The following CCND3 variants were observed in gnomAD, a reference collection of about 807,000 sequenced individuals.
The protein encoded by CCND3 is cyclin D3.
In CCND3, 9 loss-of-function variants were observed where a neutral mutation model predicts 28.7. The ratio of observed to expected loss-of-function variants is 0.31; its 90% CI spans 0.19 to 0.55. The LOEUF is 0.55. Among genes scored for constraint, CCND3 ranks in the 20% least tolerant of loss-of-function variants. The pLI is 0.93. For synonymous variants in CCND3, 164 were observed against 163.9 expected (o/e 1.00, Z 0.00); for missense variants, 315 against 385.8 (o/e 0.82, Z 1.54).
At chr6:41,993,842 G>T (rs1762722659) in intron 1 of CCND3, among the ~76,000 whole-genome samples, 1 of 150,386 alleles carries the variant, frequency 6.6e-6, no homozygotes, top group African/African-American at 2.5e-5. Flanking sequence ...AGAATAGCTT[G>T]AACCCGGGAG....
At chr6:41,940,774 G>C (rs1029568829) in intron 1 of CCND3, 189 bp from the exon 2 acceptor site, 2 of 795,074 alleles carry the variant, frequency 2.5e-6, no homozygotes, top group Admixed American at 2.0e-5. Context: ...CTTCCTCTGC[G>C]CGGCCTCCTC....
intron 1 of CCND3, chr6:42,018,439 T>C (rs1044145624): frequency 1.3e-5 from 2 of 152,174 alleles, no homozygotes; most frequent in African/African-American, 4.8e-5. Flanking sequence ...AATTTGCATG[T>C]CATCCCTGCG....
chr6:41,965,501 GC>G, intron 1 of CCND3, among the ~76,000 whole-genome samples: 1 of 152,294 alleles, frequency 6.6e-6, no homozygotes, highest in Admixed American at 6.5e-5. Flanking sequence ...AGGAGTGCAC[GC>G]CTCTGGAAGT....
At chr6:42,007,219 G>C (rs1763201816) in intron 1 of CCND3, among the ~76,000 whole-genome samples, 1 of 152,018 alleles carries the variant, frequency 6.6e-6, no homozygotes, top group African/African-American at 2.4e-5. Flanking sequence ...ACACTTATTG[G>C]TTGTTTCATT....
intron 1 of CCND3, among the ~76,000 whole-genome samples, chr6:41,978,477 A>C (rs1762242935): frequency 6.6e-6 from 1 of 152,078 alleles, no homozygotes; most frequent in Admixed American, 6.6e-5. Context: ...TGGAGGTTGC[A>C]ATGAGCCGAG....
intron 1 of CCND3, among the ~76,000 whole-genome samples, chr6:41,952,146 T>C (rs1211188919): frequency 1.3e-5 from 2 of 152,020 alleles, no homozygotes; most frequent in Non-Finnish European, 2.9e-5. Flanking sequence ...GTGCTATTAT[T>C]CTCCTTCCAT....
intron 1 of CCND3, among the ~76,000 whole-genome samples, chr6:41,998,743 G>A (rs993747432): frequency 3.3e-5 from 5 of 150,454 alleles, no homozygotes; most frequent in Admixed American, 2.0e-4. Flanking sequence ...GCAATGGTGC[G>A]ATCTTGCCTC....
intron 1 of CCND3, chr6:42,030,215 AGG>A (rs1224460372): frequency 3.3e-5 from 5 of 152,258 alleles, no homozygotes; most frequent in African/African-American, 4.8e-5. Flanking sequence ...GCACAGAAGA[AGG>A]GGTGCTCATT....
chr6:42,020,045 G>A (rs987294031), intron 1 of CCND3, among the ~76,000 whole-genome samples: 33 of 152,106 alleles, frequency 2.2e-4, no homozygotes, highest in African/African-American at 6.0e-4. Context: ...TTGGGAGGCC[G>A]AGGCGGGCGG....
At chr6:41,979,619 CTG>C (rs1351740298) in intron 1 of CCND3, among the ~76,000 whole-genome samples, 14 of 6,096 alleles carry the variant, frequency 2.3e-3, no homozygotes, top group East Asian at 0.033. Context: ...AAATCTCTCT[CTG>C]TCTCTCTCTC....
chr6:42,040,392 T>C (rs969118741), intron 1 of CCND3, among the ~76,000 whole-genome samples: 11 of 151,974 alleles, frequency 7.2e-5, no homozygotes, highest in Admixed American at 5.9e-4. Flanking sequence ...CACTCCAGCC[T>C]GGGCAACAGA....
At chr6:41,943,377 CTG>C (rs1448571654), upstream of CCND3, among the ~76,000 whole-genome samples, 10 of 150,902 alleles carry the variant, frequency 6.6e-5, no homozygotes, top group African/African-American at 2.4e-4. Context: ...TCATCACAAA[CTG>C]TTTTGTAAGC....
At position 41,941,519 on chromosome 6, in the gene CCND3, T is replaced by C; in HGVS notation, c.131A>G (p.Tyr44Cys). 1 of 1,606,126 alleles carries C rather than the reference T, an allele frequency of 6.2e-7. No homozygotes were observed. The highest frequency in any genetic ancestry group is 8.5e-7 in the Non-Finnish European group (1 of 1,178,016). ...GATCTCCCGCTGCACGCACTGGAAG[T>C]AGGAGGCGCGGGGTACGTAGCGCTC... The part of the protein sequence containing the change: ...LEERYVPRAS[Y>C]FQCVQREIKP... Residue 44 changes from tyrosine to cysteine, a missense_variant, in exon 1 of 5, where the codon TAC (tyrosine) becomes TGC (cysteine). Tyr to Cys is a radical substitution (Grantham distance 194). Transcript: ENST00000372991. This position sits in a 1 kb window ranked among gnomAD's most constrained non-coding sequence, Gnocchi z 6.1.
intron 1 of CCND3, among the ~76,000 whole-genome samples, chr6:42,028,128 C>T (rs979331773): frequency 1.4e-4 from 21 of 152,184 alleles, no homozygotes; most frequent in Admixed American, 7.9e-4. Context: ...TAGCACTGTG[C>T]CTAGCATGTG....
rs557859006 is a variant in CCND3, at chr6:41,976,413, G to T, written c.-45-35828C>A. 2.4e-4 allele frequency among the ~76,000 whole-genome samples: 37 copies of T among 152,208 alleles called. No homozygotes were observed. The South Asian group carries it at 5.4e-3, about 22-fold the overall frequency. On this transcript the variant is annotated intron_variant, in intron 1 of 4. Transcript: ENST00000372988. Reference sequence around the variant, plus strand: ...ACACCTGTTATTCCAGATACTCTGGGGCTTGAGATAGGAGGATGGCTTGAG... The same window carrying T: ...ACACCTGTTATTCCAGATACTCTGGTGCTTGAGATAGGAGGATGGCTTGAG...
Position 41,965,249 on chromosome 6 carries a change from T to C in CCND3, c.-45-24664A>G, listed in dbSNP as rs1761857643. Among the ~76,000 whole-genome samples, 4 of 152,034 alleles carry C rather than the reference T, an allele frequency of 2.6e-5. No homozygotes were observed. The South Asian group carries it at 8.3e-4, about 32-fold the overall frequency. ...CACGCCTGGCTAATTTTTGTATTTTTAGTAGAGACGGGGTTTCACCATGTT... is the reference window on the plus strand; with the variant it reads ...CACGCCTGGCTAATTTTTGTATTTTCAGTAGAGACGGGGTTTCACCATGTT... On this transcript the variant is annotated intron_variant, in intron 1 of 4. Coordinates refer to the CCND3 transcript ENST00000372988.
At chr6:41,981,487 GCCA>G (rs1762344707) in intron 1 of CCND3, among the ~76,000 whole-genome samples, 1 of 96,502 alleles carries the variant, frequency 1.0e-5, no homozygotes, top group African/African-American at 3.0e-5. Flanking sequence ...ATAGGCTTGA[GCCA>G]CCACGCCCGG....
rs1348612522 is a variant in CCND3 at position 41,938,473 on chromosome 6, TA to T, written c.415-1080del. On this transcript the variant is annotated intron_variant, in intron 2 of 4. Transcript: ENST00000372991. The surrounding 1 kb of genome is among the most constrained non-coding windows in gnomAD (Gnocchi z 4.6). ...GGCCTGGAGCCAGAAGTGAGACAGA[TA>T]AATTACAACGCTACCCCTAGTGCAT... 6.6e-6 allele frequency among the ~76,000 whole-genome samples: 1 copy of T among 152,028 alleles called. No individual in the cohort carries two copies. Among genetic ancestry groups the T allele is most frequent in the Non-Finnish European group, 1.5e-5 (1 of 68,014 alleles).
chr6:42,046,066 G>A (rs560802036), intron 1 of CCND3, among the ~76,000 whole-genome samples: 14 of 152,214 alleles, frequency 9.2e-5, no homozygotes, highest in South Asian at 6.2e-4. Context: ...TCCCACCCTC[G>A]ACTCCCAGCA....
Sources: gnomAD v4.1 joint callset for allele counts (sites outside exome capture counted in the v4.1 genomes callset) on GRCh38, gnomAD v4.1.1 for gene constraint, Gnocchi (gnomAD v3.1) non-coding constraint, MANE v1.5 for transcripts, NCBI Gene and HGNC (gene_info 2026-07-23, HGNC 2026-07-21) for gene names.